The following RCOR1 variants were observed in gnomAD, a reference collection of about 807,000 sequenced individuals.
RCOR1 encodes REST corepressor 1.
A neutral mutation model predicts 64.0 loss-of-function variants in RCOR1; 12 were observed. That is an observed-to-expected ratio of 0.19 (90% CI 0.12 to 0.30). The LOEUF (loss-of-function observed/expected upper bound fraction) is 0.30, where lower values mean the gene tolerates loss of function less well. Among genes scored for constraint, RCOR1 ranks in the 10% least tolerant of loss-of-function variants. RCOR1 has a pLI of 1.00. For synonymous variants in RCOR1, 279 were observed against 227.2 expected, an observed-to-expected ratio of 1.23 and a Z score of -2.05; for missense variants, 502 against 621.2, an observed-to-expected ratio of 0.81 and a Z score of 2.04.
chr14:102,630,656 A>G lies in RCOR1; in HGVS notation c.361+37331A>G, dbSNP rs1406019295. 2.6e-5 allele frequency among the ~76,000 whole-genome samples: 4 copies of G among 152,282 alleles called. No individual in the cohort carries two copies. In the East Asian group the frequency reaches 7.7e-4, roughly 29 times the overall value. The stretch of plus-strand genomic sequence containing the variant: ...TGGATCTGAAGGTAATACCTCATCC[A>G]GAAGATAAGAAGGGTAGTGGGGACT... On this transcript the variant is annotated intron_variant, in intron 2 of 11. Coordinates refer to ENST00000262241, the MANE Select transcript of RCOR1 (RefSeq NM_015156.4).
chr14:102,718,017 A>G lies in RCOR1; in HGVS notation c.1054-2990A>G, dbSNP rs140719340. Among the ~76,000 whole-genome samples the G allele has an allele frequency of 6.6e-5, 10 of 152,326 alleles. No individual in the cohort carries two copies. The East Asian group carries it at 1.7e-3, about 26-fold the overall frequency. On this transcript the variant is annotated intron_variant, in intron 8 of 11. Coordinates refer to ENST00000262241, the MANE Select transcript of RCOR1 (RefSeq NM_015156.4). Reference sequence around the variant, plus strand: ...CCGCCATGTTTGGTATATCAAGGATATATTCTGAAAATAACAGCAAACTCG... The same window carrying G: ...CCGCCATGTTTGGTATATCAAGGATGTATTCTGAAAATAACAGCAAACTCG...
chr14:102,602,983 G>C (rs1437474810), intron 2 of RCOR1, among the ~76,000 whole-genome samples: 2 of 152,162 alleles, frequency 1.3e-5, no homozygotes, highest in African/African-American at 4.8e-5. Flanking sequence ...TGAGATTACA[G>C]GCATGAGTCA....
At chr14:102,600,532 G>T (rs893975823) in intron 2 of RCOR1, among the ~76,000 whole-genome samples, 1 of 151,658 alleles carries the variant, frequency 6.6e-6, no homozygotes, top group African/African-American at 2.4e-5. Context: ...CTCCCGAGTA[G>T]CTAGGACTAC....
At chr14:102,692,405 A>G (rs543780698) in intron 3 of RCOR1, among the ~76,000 whole-genome samples, 4 of 151,366 alleles carry the variant, frequency 2.6e-5, no homozygotes, top group Non-Finnish European at 5.9e-5. Flanking sequence ...GTCATAATAT[A>G]TGAAAGCTGC....
rs1595249237 is a variant in RCOR1 at position 102,726,706 on chromosome 14, G to A, written c.*200G>A. The A allele has an allele frequency of 7.0e-6, 4 of 568,158 alleles. No homozygotes were observed. In the East Asian group the frequency reaches 1.3e-4, roughly 18 times the overall value. The allele number at this position is 568,158 out of a possible 1,614,324, so 35.2% of individuals were successfully genotyped here. On this transcript the variant is annotated 3_prime_UTR_variant, in exon 12 of 12. Coordinates refer to ENST00000262241, the MANE Select transcript of RCOR1 (RefSeq NM_015156.4). ...CCATGTTGGCGCCACTTCCCAGAGAGCTCCACTGCATCTCACACTCTGCCC... is the reference window on the plus strand; with the variant it reads ...CCATGTTGGCGCCACTTCCCAGAGAACTCCACTGCATCTCACACTCTGCCC...
intron 3 of RCOR1, among the ~76,000 whole-genome samples, chr14:102,692,549 G>A (rs962640220): frequency 1.3e-5 from 2 of 151,594 alleles, no homozygotes; most frequent in African/African-American, 4.9e-5. Flanking sequence ...TTTGCTTCCG[G>A]ATCTTTTCGG....
chr14:102,675,757 A>G (rs1485784270), intron 2 of RCOR1, among the ~76,000 whole-genome samples: 1 of 152,220 alleles, frequency 6.6e-6, no homozygotes, highest in Non-Finnish European at 1.5e-5. Flanking sequence ...CAGCTCCTCC[A>G]AAAGCTACCT....
At chr14:102,677,988 T>C (rs1297796455) in intron 2 of RCOR1, among the ~76,000 whole-genome samples, 1,150 of 116,586 alleles carry the variant, frequency 9.9e-3, no homozygotes, top group East Asian at 0.024. Flanking sequence ...CACTCGCGGT[T>C]AGGAGCTGGA....
intron 2 of RCOR1, chr14:102,658,666 A>G (rs1894773434): frequency 4.1e-6 from 4 of 970,804 alleles, no homozygotes; most frequent in African/African-American, 1.8e-5. Context: ...GTGCTTGTCA[A>G]TACCCAGAAA....
chr14:102,621,556 C>T (rs1893874729), intron 2 of RCOR1, among the ~76,000 whole-genome samples: 2 of 151,898 alleles, frequency 1.3e-5, no homozygotes, highest in South Asian at 2.1e-4. Context: ...TGTCTTTCTC[C>T]TGCTTTACTA....
At chr14:102,650,633 T>C (rs954696590) in intron 2 of RCOR1, among the ~76,000 whole-genome samples, 2 of 152,166 alleles carry the variant, frequency 1.3e-5, no homozygotes, top group African/African-American at 4.8e-5. Context: ...GCCACTTAAT[T>C]TTCCTATTAA....
chr14:102,593,125 G>C lies in RCOR1; in HGVS notation c.239G>C (p.Gly80Ala). The change falls in exon 1 of 12, where the codon GGC becomes GCC. Residue 80 changes from glycine to alanine, a missense_variant. This residue lies in a region of RCOR1 where 242 missense variants were observed against 204.9 expected (regional missense o/e 1.18). Coordinates refer to ENST00000262241, the MANE Select transcript of RCOR1 (RefSeq NM_015156.4). ...AGTTTGGCGGCGGCGGCGCCCAATGGCAACAGCAGCAGCAACTCCTGGGAG... is the reference window on the plus strand; with the variant it reads ...AGTTTGGCGGCGGCGGCGCCCAATGCCAACAGCAGCAGCAACTCCTGGGAG... ...NKSLAAAAPN[G>A]NSSSNSWEEG... 1 of 1,518,458 alleles carries C rather than the reference G, an allele frequency of 6.6e-7. No homozygotes were observed. Among genetic ancestry groups the C allele is most frequent in the Non-Finnish European group, 8.8e-7 (1 of 1,138,250 alleles). 94.1% of individuals were successfully genotyped at this position (1,518,458 alleles called of 1,614,324 possible). A position where few individuals can be genotyped will look rare whatever the true frequency, so the allele number is the denominator to read the frequency against.
At chr14:102,696,808 C>CTTTT (rs71305075) in intron 3 of RCOR1, among the ~76,000 whole-genome samples, 152 of 57,390 alleles carry the variant, frequency 2.6e-3, no homozygotes, top group Middle Eastern at 0.016. Flanking sequence ...ATCTGCTTAT[C>CTTTT]TTTTTTTTTT....
rs553960381 is a variant in RCOR1 at position 102,653,920 on chromosome 14, CTTCTTTCTTTCTTTCTTTCTTTCTTTCT to C, written c.362-27936_362-27909del. On this transcript the variant is annotated intron_variant, in intron 2 of 11. Coordinates refer to ENST00000262241, the MANE Select transcript of RCOR1 (RefSeq NM_015156.4). The stretch of plus-strand genomic sequence containing the variant: ...TACCTAGTCTCATCTCAGGTATTTC[CTTCTTTCTTTCTTTCTTTCTTTCTTTCT>C]TTCTTTCTTTCTTTCTTTCTTTCTT... 5.7e-4 allele frequency among the ~76,000 whole-genome samples: 56 copies of C among 98,924 alleles called. 1 individual carries two copies. The highest frequency in any genetic ancestry group is 1.1e-3 in the East Asian group (3 of 2,786). 64.9% of individuals were successfully genotyped at this position (98,924 alleles called of 152,430 possible).
At chr14:102,718,762 A>G (rs1288343044) in intron 8 of RCOR1, among the ~76,000 whole-genome samples, 15 of 151,962 alleles carry the variant, frequency 9.9e-5, no homozygotes, top group Non-Finnish European at 2.1e-4. Flanking sequence ...TGCTTAATAA[A>G]CACTAGATGT....
In RCOR1 at chr14:102,682,035, G is replaced by T. The variant is rs201020381; in HGVS notation, c.445+57G>T. ...TCTTGTTTAATGTAAGGTTTTAAAG[G>T]TACCTTTGAAGGTAAAAGCTTCTAT... is the stretch of plus-strand genomic sequence containing the variant. On this transcript the variant is annotated intron_variant, in intron 3 of 11. Coordinates refer to ENST00000262241, the MANE Select transcript of RCOR1 (RefSeq NM_015156.4). 1.4e-5 allele frequency: 17 copies of T among 1,223,790 alleles called. No homozygotes were observed. In the East Asian group the frequency reaches 4.0e-4, roughly 28 times the overall value. 75.8% of individuals were successfully genotyped at this position (1,223,790 alleles called of 1,614,324 possible).
intron 2 of RCOR1, among the ~76,000 whole-genome samples, chr14:102,606,787 C>A (rs747851402): frequency 2.6e-5 from 4 of 151,488 alleles, no homozygotes; most frequent in Non-Finnish European, 5.9e-5. Context: ...AGGTGTGAGG[C>A]ACTGCACCTG....
chr14:102,695,804 C>T (rs991045519), intron 3 of RCOR1, among the ~76,000 whole-genome samples: 14 of 151,688 alleles, frequency 9.2e-5, no homozygotes, highest in African/African-American at 3.4e-4. Context: ...CCACCTCAGC[C>T]TCCCAGAGTG....
At chr14:102,630,325 C>G (rs2139909013) in intron 2 of RCOR1, among the ~76,000 whole-genome samples, 1 of 152,324 alleles carries the variant, frequency 6.6e-6, no homozygotes, top group East Asian at 1.9e-4. Flanking sequence ...CAGCCTGAGG[C>G]TTTCACCAGA....
Sources: allele counts gnomAD v4.1 joint callset (sites outside exome capture counted in the v4.1 genomes callset), GRCh38; gene constraint gnomAD v4.1.1; regional missense constraint gnomAD v4.1.1; transcripts MANE v1.5; gene names NCBI Gene and HGNC (gene_info 2026-07-23, HGNC 2026-07-21).